Variants in RBFOX1 observed in about 807,000 individuals in gnomAD.
The protein encoded by RBFOX1 is RNA binding protein fox-1 homolog 1.
A neutral mutation model predicts 57.7 loss-of-function variants in RBFOX1; 8 were observed. That is an observed-to-expected ratio of 0.14 (90% CI 0.08 to 0.25). The LOEUF (loss-of-function observed/expected upper bound fraction) is 0.25, where lower values mean the gene tolerates loss of function less well. RBFOX1 is among the 10% of genes least tolerant of loss of function. The pLI is 1.00. For missense variants in RBFOX1, 611 were observed against 548.5 expected (o/e 1.11, Z -1.14); for synonymous variants, 326 against 222.4 (o/e 1.47, Z -4.15).
intron 3 of RBFOX1, among the ~76,000 whole-genome samples, chr16:5,793,735 A>G (rs1283811601): frequency 6.6e-6 from 1 of 152,218 alleles, no homozygotes; most frequent in Non-Finnish European, 1.5e-5. Flanking sequence ...ATCTATGTAC[A>G]TGTGCCTTCG....
chr16:6,134,404 G>A (rs1183907342), intron 1 of RBFOX1, among the ~76,000 whole-genome samples: 2 of 152,204 alleles, frequency 1.3e-5, no homozygotes, highest in African/African-American at 4.8e-5. Context: ...GGATCTGATG[G>A]ATATCCACTC....
intron 1 of RBFOX1, among the ~76,000 whole-genome samples, chr16:5,362,079 A>G (rs1460209069): frequency 6.6e-6 from 1 of 152,250 alleles, no homozygotes; most frequent in Non-Finnish European, 1.5e-5. Flanking sequence ...TTAACTTAAT[A>G]TTGAACATGA....
intron 3 of RBFOX1, among the ~76,000 whole-genome samples, chr16:6,944,050 C>T (rs1354120963): frequency 6.6e-6 from 1 of 152,052 alleles, no homozygotes; most frequent in African/African-American, 2.4e-5. Context: ...CAGGGACAAC[C>T]AACACTGCAA....
intron 2 of RBFOX1, among the ~76,000 whole-genome samples, chr16:6,507,822 G>C (rs572532758): frequency 6.6e-6 from 1 of 152,060 alleles, no homozygotes; most frequent in South Asian, 2.1e-4. Context: ...CTAGAAGGAG[G>C]GGGGAATGGG....
intron 10 of RBFOX1, chr16:7,615,027 G>C (rs1354048668): frequency 3.3e-5 from 5 of 152,176 alleles, no homozygotes; most frequent in Non-Finnish European, 5.9e-5. Context: ...TATTCATGAG[G>C]TCACAGAATA....
At chr16:6,588,767 T>G (rs1003136864) in intron 2 of RBFOX1, among the ~76,000 whole-genome samples, 3 of 152,194 alleles carry the variant, frequency 2.0e-5, no homozygotes, top group Non-Finnish European at 2.9e-5. Context: ...AATCAGGACT[T>G]ACTTGATTAT....
chr16:7,507,577 T>TTTTG lies in RBFOX1; in HGVS notation c.28-10567_28-10566insGTTT, dbSNP rs1555529562. Reference sequence around the variant, plus strand: ...TTTTTCTTTCTTTCTTTTTTTTTTTTTTTTGAGACGGAGTCTTGCTGTGTC... The same window carrying TTTTG: ...TTTTTCTTTCTTTCTTTTTTTTTTTTTTTGTTTTGAGACGGAGTCTTGCTGTGTC... On this transcript the variant is annotated intron_variant, in intron 4 of 15. Transcript: ENST00000550418. Among the ~76,000 whole-genome samples, 56 of 146,478 alleles carry TTTTG rather than the reference T, an allele frequency of 3.8e-4. 1 individual carries two copies. Among genetic ancestry groups the TTTTG allele is most frequent in the African/African-American group, 1.4e-3 (55 of 39,996 alleles).
intron 3 of RBFOX1, among the ~76,000 whole-genome samples, chr16:5,751,086 G>A (rs1416398572): frequency 1.3e-5 from 2 of 152,108 alleles, no homozygotes; most frequent in Admixed American, 6.5e-5. Flanking sequence ...GAAGAGATCT[G>A]CCCACCTCGG....
intron 4 of RBFOX1, among the ~76,000 whole-genome samples, chr16:7,115,519 T>C (rs2065702478): frequency 6.6e-6 from 1 of 152,152 alleles, no homozygotes; most frequent in African/African-American, 2.4e-5. Context: ...GCTAAAATAG[T>C]GTCAAGGCTC....
intron 2 of RBFOX1, among the ~76,000 whole-genome samples, chr16:6,564,053 C>G (rs941778431): frequency 2.6e-5 from 4 of 152,086 alleles, no homozygotes; most frequent in African/African-American, 9.7e-5. Flanking sequence ...TCTAGCCACC[C>G]TTCACCTCCA....
intron 10 of RBFOX1, among the ~76,000 whole-genome samples, chr16:7,616,821 C>T (rs777978876): frequency 5.3e-5 from 8 of 152,002 alleles, no homozygotes; most frequent in Non-Finnish European, 1.0e-4. Flanking sequence ...TATGAGCCAC[C>T]ATGGCTGGCG....
At chr16:7,006,354 C>T (rs565643887) in intron 3 of RBFOX1, among the ~76,000 whole-genome samples, 19 of 152,204 alleles carry the variant, frequency 1.2e-4, no homozygotes, top group African/African-American at 4.3e-4. Flanking sequence ...GGGGTTTTAT[C>T]ATGTTGGCCA....
intron 4 of RBFOX1, among the ~76,000 whole-genome samples, chr16:5,934,941 A>G (rs528249141): frequency 6.6e-6 from 1 of 152,324 alleles, no homozygotes; most frequent in East Asian, 1.9e-4. Flanking sequence ...CTTTGAGTCA[A>G]CACACCTGTG....
intron 4 of RBFOX1, among the ~76,000 whole-genome samples, chr16:7,175,967 A>G (rs1370436691): frequency 1.3e-5 from 2 of 152,082 alleles, no homozygotes; most frequent in Admixed American, 1.3e-4. Context: ...CTGTAAATGC[A>G]GAAACTTAAG....
intron 3 of RBFOX1, among the ~76,000 whole-genome samples, chr16:7,022,176 A>G (rs971626578): frequency 1.4e-5 from 2 of 147,626 alleles, no homozygotes; most frequent in Non-Finnish European, 3.0e-5. Context: ...TGATCCTCCC[A>G]CCTCAGCCTC....
intron 3 of RBFOX1, among the ~76,000 whole-genome samples, chr16:6,891,371 A>G (rs1451168910): frequency 6.6e-6 from 1 of 152,154 alleles, no homozygotes; most frequent in Non-Finnish European, 1.5e-5. Context: ...TACAGACACT[A>G]AATTTGGGTC....
chr16:5,898,250 A>C (rs982008861), intron 4 of RBFOX1, among the ~76,000 whole-genome samples: 6 of 152,158 alleles, frequency 3.9e-5, no homozygotes, highest in African/African-American at 1.4e-4. Flanking sequence ...ACCTCCTACC[A>C]GGTCCCTTCC....
intron 1 of RBFOX1, among the ~76,000 whole-genome samples, chr16:6,184,524 AAG>A (rs1169963539): frequency 6.6e-6 from 1 of 152,062 alleles, no homozygotes; most frequent in Non-Finnish European, 1.5e-5. Context: ...TGAGATGTGA[AAG>A]AGAGAGAGGG....
chr16:7,272,053 C>T (rs972280863), intron 4 of RBFOX1, among the ~76,000 whole-genome samples: 3 of 152,142 alleles, frequency 2.0e-5, no homozygotes, highest in Non-Finnish European at 2.9e-5. Flanking sequence ...AGAGTGATAG[C>T]GGCTTGTGAT....
Sources: gnomAD v4.1 joint callset for allele counts (sites outside exome capture counted in the v4.1 genomes callset) on GRCh38, gnomAD v4.1.1 for gene constraint, MANE v1.5 for transcripts, NCBI Gene and HGNC (gene_info 2026-07-23, HGNC 2026-07-21) for gene names.